The following TUSC3 variants were observed in gnomAD, a reference collection of about 807,000 sequenced individuals.
TUSC3 encodes the protein tumor suppressor candidate 3.
In TUSC3, 45 loss-of-function variants were observed where a neutral mutation model predicts 44.8. The observed-to-expected ratio is 1.00, with a 90% CI of 0.79 to 1.29. The LOEUF (loss-of-function observed/expected upper bound fraction) is 1.29. Among genes scored for constraint, TUSC3 ranks in the 50% most tolerant of loss-of-function variants. TUSC3 has a pLI of 0.00. For synonymous variants in TUSC3, 212 were observed against 152.9 expected (o/e 1.39, Z -2.85); for missense variants, 519 against 437.9 (o/e 1.19, Z -1.65).
At position 15,470,865 on chromosome 8, in the gene TUSC3, G is replaced by A. The variant is rs569443160; in HGVS notation, n.92-12521G>A. ...GGTGTGAGTGGCTCTGTGATAGGAC[G>A]GTGGCCTGGCCAGGGCTGGTTCCTG... On this transcript the variant is annotated intron_variant and non_coding_transcript_variant, in intron 1 of 5. Transcript: ENST00000503191. Among the ~76,000 whole-genome samples, 23 of 152,188 alleles carry A rather than the reference G, an allele frequency of 1.5e-4. 1 individual carries two copies. Among genetic ancestry groups the A allele is most frequent in the Middle Eastern group, 3.4e-3 (1 of 294 alleles).
intron 1 of TUSC3, among the ~76,000 whole-genome samples, chr8:15,617,296 C>T (rs531445685): frequency 2.0e-4 from 31 of 151,844 alleles, no homozygotes; most frequent in Non-Finnish European, 1.3e-4. Flanking sequence ...CGTGCCACCA[C>T]GCCTGGCTTA....
the TUSC3 span, among the ~76,000 whole-genome samples, chr8:15,793,688 G>A: frequency 2.0e-5 from 3 of 152,240 alleles, no homozygotes; most frequent in East Asian, 3.9e-4. Flanking sequence ...GTTCCATGAG[G>A]GCAGGATTTT....
rs367941960 is a variant in TUSC3 at position 15,710,605 on chromosome 8, G to A, written c.799-20061G>A. 9.9e-5 allele frequency among the ~76,000 whole-genome samples: 15 copies of A among 151,758 alleles called. No individual in the cohort carries two copies. In the South Asian group the frequency reaches 1.0e-3, roughly 10 times the overall value. On this transcript the variant is annotated intron_variant, in intron 6 of 10. Transcript: ENST00000503731. ...TCATTTTTCCAGTTATGTTCCAGAG[G>A]TTGGCTGAGCAAACCCCCAGGCTAC...
At position 15,731,128 on chromosome 8, in the gene TUSC3, G is replaced by C. The variant is rs930851987; in HGVS notation, c.862+399G>C. Among the ~76,000 whole-genome samples, 4 of 152,066 alleles carry C rather than the reference G, an allele frequency of 2.6e-5. No individual in the cohort carries two copies. The East Asian group carries it at 7.7e-4, about 29-fold the overall frequency. On this transcript the variant is annotated intron_variant, in intron 7 of 10. Transcript: ENST00000503731. Reference sequence around the variant, plus strand: ...CTCCCCTTAAATATATGGTATGTCAGAAGAAGGAGATTTAGAGTGGTTCAA... The same window carrying C: ...CTCCCCTTAAATATATGGTATGTCACAAGAAGGAGATTTAGAGTGGTTCAA...
intron 2 of TUSC3, among the ~76,000 whole-genome samples, chr8:15,532,861 C>G (rs1401971577): frequency 6.6e-6 from 1 of 152,142 alleles, no homozygotes; most frequent in Non-Finnish European, 1.5e-5. Context: ...GGCACGATCT[C>G]CGCTCACTGC....
intron 6 of TUSC3, among the ~76,000 whole-genome samples, chr8:15,718,361 G>A (rs914568075): frequency 8.5e-5 from 13 of 152,072 alleles, no homozygotes; most frequent in East Asian, 7.7e-4. Context: ...AAGAATGGTT[G>A]TAATATTGAT....
At chr8:15,819,432 C>A in the TUSC3 span, among the ~76,000 whole-genome samples, 3 of 152,072 alleles carry the variant, frequency 2.0e-5, no homozygotes, top group African/African-American at 4.8e-5. Context: ...CCTTCTCCAC[C>A]ATTACCTCTA....
chr8:15,501,919 T>C (rs1800972035), intron 2 of TUSC3, among the ~76,000 whole-genome samples: 1 of 152,220 alleles, frequency 6.6e-6, no homozygotes, highest in Admixed American at 6.5e-5. Flanking sequence ...CTTAGTTCAG[T>C]CTTGATCTCT....
the TUSC3 span, among the ~76,000 whole-genome samples, chr8:15,807,978 T>A: frequency 1.9e-5 from 2 of 105,530 alleles, no homozygotes; most frequent in Non-Finnish European, 4.1e-5. Flanking sequence ...GATATAACCA[T>A]GTCACATACC....
intron 1 of TUSC3, among the ~76,000 whole-genome samples, chr8:15,434,362 G>A (rs10283403): frequency 0.16 from 24,995 of 151,944 alleles, 2,100 homozygotes; most frequent in Middle Eastern, 0.22. Flanking sequence ...AGATACATGT[G>A]TTCTGAATAT....
At chr8:15,833,511 A>G in the TUSC3 span, among the ~76,000 whole-genome samples, 172 of 152,306 alleles carry the variant, frequency 1.1e-3, no homozygotes, top group African/African-American at 4.0e-3. Flanking sequence ...TCCACGGAAT[A>G]CTATGCAGCC....
At chr8:15,580,934 C>A (rs1216170062) in intron 1 of TUSC3, among the ~76,000 whole-genome samples, 1 of 123,042 alleles carries the variant, frequency 8.1e-6, no homozygotes, top group Non-Finnish European at 1.7e-5. Context: ...GTTCCATTCT[C>A]CCCATCACTT....
the TUSC3 span, among the ~76,000 whole-genome samples, chr8:15,788,546 CA>C: frequency 0.019 from 1,429 of 75,490 alleles, 7 homozygotes; most frequent in African/African-American, 0.042. Flanking sequence ...GACTCTATCT[CA>C]AAAAAAAAAA....
chr8:15,673,951 T>C, intron 6 of TUSC3, 115 bp downstream of exon 6: 2 of 872,180 alleles, frequency 2.3e-6, no homozygotes, highest in South Asian at 3.1e-5. Context: ...TCAAAATATA[T>C]ATTCTTTCTC....
At chr8:15,541,881 G>C (rs1274986333) in intron 1 of TUSC3, among the ~76,000 whole-genome samples, 1 of 151,388 alleles carries the variant, frequency 6.6e-6, no homozygotes, top group Non-Finnish European at 1.5e-5. Flanking sequence ...GGCAATAAAA[G>C]ATGATGAAGA....
At position 15,710,385 on chromosome 8, in the gene TUSC3, C is replaced by T. The variant is rs193205152; in HGVS notation, c.799-20281C>T. Among the ~76,000 whole-genome samples the T allele has an allele frequency of 2.0e-3, 297 of 151,832 alleles. 1 individual carries two copies. The highest frequency in any genetic ancestry group is 2.9e-3 in the Non-Finnish European group (196 of 67,830). On this transcript the variant is annotated intron_variant, in intron 6 of 10. Transcript: ENST00000503731. ...CATTTTTGTGTCTTCTAGTATAGGG[C>T]CTCGTGCTATTTAAGCCTAGATGAA...
At chr8:15,447,122 A>T (rs1166324144) in intron 1 of TUSC3, among the ~76,000 whole-genome samples, 1 of 152,128 alleles carries the variant, frequency 6.6e-6, no homozygotes, top group Non-Finnish European at 1.5e-5. Flanking sequence ...CATATGCATA[A>T]TAAGTATACC....
intron 2 of TUSC3, among the ~76,000 whole-genome samples, chr8:15,518,595 C>A (rs1033275910): frequency 6.6e-6 from 1 of 152,054 alleles, no homozygotes; most frequent in South Asian, 2.1e-4. Flanking sequence ...TATTTATATC[C>A]TTTCCTTTTT....
chr8:15,598,115 C>T (rs1276981901), intron 1 of TUSC3, among the ~76,000 whole-genome samples: 1 of 151,870 alleles, frequency 6.6e-6, no homozygotes, highest in Admixed American at 6.6e-5. Flanking sequence ...TGGTTGAAAG[C>T]AGAGTTTGCA....
Sources: allele counts gnomAD v4.1 joint callset (sites outside exome capture counted in the v4.1 genomes callset), GRCh38; gene constraint gnomAD v4.1.1; transcripts MANE v1.5; gene names NCBI Gene and HGNC (gene_info 2026-07-23, HGNC 2026-07-21).